The following VAV3 variants were observed in gnomAD, a reference collection of about 807,000 sequenced individuals.
The protein encoded by VAV3 is vav guanine nucleotide exchange factor 3, also known as guanine nucleotide exchange factor VAV3.
Under a neutral mutation model 131.2 loss-of-function variants are expected in VAV3, and 94 were observed. That is an observed-to-expected ratio of 0.72 (90% CI 0.61 to 0.85). VAV3 has a LOEUF of 0.85. VAV3 is among the 40% of genes least tolerant of loss of function. The pLI, the probability that VAV3 is intolerant of heterozygous loss-of-function variation, is 0.00. For missense variants in VAV3, 939 were observed against 1,002.7 expected, an observed-to-expected ratio of 0.94 and a Z score of 0.86; for synonymous variants, 349 against 342.0, an observed-to-expected ratio of 1.02 and a Z score of -0.22.
chr1:107,932,579 C>A (rs1201843542), intron 1 of VAV3, among the ~76,000 whole-genome samples: 1 of 152,092 alleles, frequency 6.6e-6, no homozygotes, highest in Non-Finnish European at 1.5e-5. Flanking sequence ...AACCCTGGAA[C>A]CAATGAATAA....
chr1:107,772,736 G>T lies in VAV3; in HGVS notation c.554C>A (p.Pro185His). 1 of 1,611,770 alleles carries T rather than the reference G, an allele frequency of 6.2e-7. No homozygotes were observed. Among genetic ancestry groups the T allele is most frequent in the Non-Finnish European group, 8.5e-7 (1 of 1,178,622 alleles). The change falls in exon 5 of 27, where the codon CCC becomes CAC. Residue 185 changes from proline (P) to histidine (H), a missense_variant and splice_region_variant. Physicochemically the swap from Pro to His is moderately conservative, Grantham distance 77. Transcript: ENST00000370056. ...DLMKAEEAHQ[P>H]KCPENDIRSC... ...TTTAAAAACAAGTAAAAGTCCTACG[G>T]GCTGATGTGCTTCCTCTGCCTTCAT... is the stretch of plus-strand genomic sequence containing the variant.
At chr1:107,952,468 T>TTATATATA (rs1161088981) in intron 1 of VAV3, among the ~76,000 whole-genome samples, 19,946 of 118,576 alleles carry the variant, frequency 0.17, 2,281 homozygotes, top group East Asian at 0.38. Context: ...TAACAAAACT[T>TTATATATA]TATATATATA....
intron 18 of VAV3, among the ~76,000 whole-genome samples, chr1:107,684,169 G>C (rs768687728): frequency 6.6e-6 from 1 of 152,138 alleles, no homozygotes; most frequent in Non-Finnish European, 1.5e-5. Context: ...AAAAATTACA[G>C]ATGAAACACA....
chr1:107,743,397 G>A (rs911133070), intron 15 of VAV3, among the ~76,000 whole-genome samples: 3 of 152,142 alleles, frequency 2.0e-5, no homozygotes, highest in Non-Finnish European at 2.9e-5. Flanking sequence ...AGAGGGGGCT[G>A]TATCAAGCGT....
At chr1:107,857,937 T>C (rs565090998) in intron 2 of VAV3, among the ~76,000 whole-genome samples, 2 of 152,330 alleles carry the variant, frequency 1.3e-5, no homozygotes, top group South Asian at 2.1e-4. Context: ...TGTTATATTA[T>C]TTATAAGACC....
chr1:107,895,059 G>T (rs888075720), intron 1 of VAV3, among the ~76,000 whole-genome samples: 9 of 152,224 alleles, frequency 5.9e-5, no homozygotes, highest in African/African-American at 2.2e-4. Flanking sequence ...GAAGCTGGGG[G>T]AATGAGGAGA....
At chr1:107,730,490 G>A (rs754288916) in intron 15 of VAV3, among the ~76,000 whole-genome samples, 12 of 152,118 alleles carry the variant, frequency 7.9e-5, no homozygotes, top group South Asian at 2.1e-4. Flanking sequence ...AAATCAAACC[G>A]TTGCATTAAT....
chr1:107,714,000 C>CT (rs1012445527), intron 15 of VAV3, among the ~76,000 whole-genome samples: 51 of 152,202 alleles, frequency 3.4e-4, no homozygotes, highest in African/African-American at 1.2e-3. Flanking sequence ...CGTATCAGGC[C>CT]TTATAATTTA....
chr1:107,744,902 C>G (rs1480109315), intron 15 of VAV3, among the ~76,000 whole-genome samples: 1 of 152,204 alleles, frequency 6.6e-6, no homozygotes, highest in Non-Finnish European at 1.5e-5. Context: ...CAGCATCAAA[C>G]TTGTACACAT....
chr1:107,885,226 G>C (rs370757254), intron 1 of VAV3, among the ~76,000 whole-genome samples: 1 of 150,302 alleles, frequency 6.7e-6, no homozygotes, highest in Non-Finnish European at 1.5e-5. Context: ...CAAAATGAGG[G>C]AAAAGGTGAC....
intron 2 of VAV3, among the ~76,000 whole-genome samples, chr1:107,782,985 T>C (rs947281679): frequency 1.3e-5 from 2 of 152,188 alleles, no homozygotes; most frequent in Non-Finnish European, 2.9e-5. Flanking sequence ...CTAGTAACAA[T>C]ACCTGCAGGT....
At chr1:107,791,384 CA>C (rs11358290) in intron 2 of VAV3, among the ~76,000 whole-genome samples, 135,236 of 145,768 alleles carry the variant, frequency 0.93, 63,172 homozygotes, top group South Asian at 0.99. Context: ...TTGGTGATAT[CA>C]AAAAAAAAAA....
intron 1 of VAV3, among the ~76,000 whole-genome samples, chr1:107,951,149 T>C (rs1254195943): frequency 3.3e-5 from 5 of 152,186 alleles, no homozygotes; most frequent in African/African-American, 1.2e-4. Flanking sequence ...ATCACTGAGA[T>C]CTCAATGTCT....
chr1:107,631,095 T>C (rs932796188), intron 20 of VAV3, among the ~76,000 whole-genome samples: 1 of 152,134 alleles, frequency 6.6e-6, no homozygotes, highest in African/African-American at 2.4e-5. Flanking sequence ...CATACACTAA[T>C]TTGTCAAAAA....
At chr1:107,653,485 A>G (rs1055196505) in intron 19 of VAV3, among the ~76,000 whole-genome samples, 3 of 152,020 alleles carry the variant, frequency 2.0e-5, no homozygotes. Flanking sequence ...CTATGAGTCC[A>G]CTTTCAAACT....
At chr1:107,717,444 T>C (rs1180503268) in intron 15 of VAV3, among the ~76,000 whole-genome samples, 1 of 152,232 alleles carries the variant, frequency 6.6e-6, no homozygotes, top group Non-Finnish European at 1.5e-5. Flanking sequence ...TGTGTCTTTG[T>C]TCTCATTGGT....
chr1:107,708,464 C>T (rs1234424967), intron 15 of VAV3, among the ~76,000 whole-genome samples: 2 of 152,168 alleles, frequency 1.3e-5, no homozygotes, highest in East Asian at 1.9e-4. Context: ...TCACATAGAA[C>T]TCATTATGAA....
intron 19 of VAV3, among the ~76,000 whole-genome samples, chr1:107,666,126 C>T (rs112391856): frequency 6.6e-6 from 1 of 152,198 alleles, no homozygotes; most frequent in Non-Finnish European, 1.5e-5. Flanking sequence ...TTCACCTTAC[C>T]CTTCCTCTTC....
intron 15 of VAV3, among the ~76,000 whole-genome samples, chr1:107,735,061 A>G (rs1333351936): frequency 1.3e-5 from 2 of 152,224 alleles, no homozygotes; most frequent in African/African-American, 4.8e-5. Flanking sequence ...ACTCACACAG[A>G]ACTGCACAAC....
Sources: gnomAD v4.1 joint callset for allele counts (sites outside exome capture counted in the v4.1 genomes callset) on GRCh38, gnomAD v4.1.1 for gene constraint, MANE v1.5 for transcripts, NCBI Gene and HGNC (gene_info 2026-07-23, HGNC 2026-07-21) for gene names.